KIRREL1: variants seen among roughly 807,000 people sequenced by gnomAD.
KIRREL1 encodes the protein kin of IRRE-like protein 1.
A neutral mutation model predicts 83.3 loss-of-function variants in KIRREL1; 25 were observed. The observed-to-expected ratio is 0.30, with a 90% CI of 0.22 to 0.42. The LOEUF is 0.42. Among genes scored for constraint, KIRREL1 ranks in the 10% least tolerant of loss-of-function variants. The pLI is 1.00. For synonymous variants in KIRREL1, 388 were observed against 410.4 expected (o/e 0.95, Z 0.66); for missense variants, 812 against 1,032.3 (o/e 0.79, Z 2.92).
intron 8 of KIRREL1, among the ~76,000 whole-genome samples, chr1:158,089,160 GA>G (rs1226343706): frequency 1.3e-5 from 2 of 151,492 alleles, no homozygotes; most frequent in Non-Finnish European, 3.0e-5. Flanking sequence ...AGAACTACAG[GA>G]AGAAGAATTT....
At chr1:158,046,980 G>T (rs1015232729) in intron 1 of KIRREL1, among the ~76,000 whole-genome samples, 1 of 152,170 alleles carries the variant, frequency 6.6e-6, no homozygotes, top group African/African-American at 2.4e-5. Flanking sequence ...GCAGATGCCT[G>T]TGGAAACAAC....
intron 1 of KIRREL1, among the ~76,000 whole-genome samples, chr1:158,052,250 G>A (rs1660926592): frequency 6.6e-6 from 1 of 152,098 alleles, no homozygotes; most frequent in Non-Finnish European, 1.5e-5. Flanking sequence ...TGGCCCCTGA[G>A]CCCTTGCTAA....
intron 1 of KIRREL1, among the ~76,000 whole-genome samples, chr1:157,996,953 G>A (rs1174037837): frequency 6.6e-6 from 1 of 152,220 alleles, no homozygotes; most frequent in Non-Finnish European, 1.5e-5. Context: ...CAGCTGAGTG[G>A]TTGGTTGTTC....
chr1:158,031,341 G>A (rs556581029), intron 1 of KIRREL1, among the ~76,000 whole-genome samples: 31 of 143,150 alleles, frequency 2.2e-4, no homozygotes, highest in Admixed American at 6.1e-4. Context: ...ACACACGCGC[G>A]TGCACACACA....
intron 1 of KIRREL1, among the ~76,000 whole-genome samples, chr1:158,038,291 G>C (rs542768287): frequency 6.6e-6 from 1 of 152,330 alleles, no homozygotes; most frequent in Admixed American, 6.5e-5. Flanking sequence ...CTGGGGACCT[G>C]GTAGGGGTCA....
intron 1 of KIRREL1, among the ~76,000 whole-genome samples, chr1:158,013,170 T>C (rs1659733135): frequency 6.6e-6 from 1 of 152,138 alleles, no homozygotes; most frequent in Non-Finnish European, 1.5e-5. Flanking sequence ...CCATACCCCA[T>C]AAAATTTAGA....
chr1:158,044,273 G>C (rs192395578), intron 1 of KIRREL1, among the ~76,000 whole-genome samples: 134 of 152,250 alleles, frequency 8.8e-4, no homozygotes, highest in Middle Eastern at 6.8e-3. Flanking sequence ...CCAGAGCCAG[G>C]TCAGGCTTAA....
At chr1:158,037,271 G>T (rs1485322087) in intron 1 of KIRREL1, among the ~76,000 whole-genome samples, 1 of 152,132 alleles carries the variant, frequency 6.6e-6, no homozygotes, top group Non-Finnish European at 1.5e-5. Flanking sequence ...GAGGCTGGTG[G>T]ATCACAAGGT....
chr1:158,004,203 T>G (rs1351946164), intron 1 of KIRREL1, among the ~76,000 whole-genome samples: 4 of 152,212 alleles, frequency 2.6e-5, no homozygotes, highest in African/African-American at 9.6e-5. Flanking sequence ...AGGACCTATA[T>G]TAAGGAACAG....
chr1:158,093,136 C>CA (rs1286322549), intron 11 of KIRREL1, among the ~76,000 whole-genome samples: 1 of 152,156 alleles, frequency 6.6e-6, no homozygotes, highest in African/African-American at 2.4e-5. Flanking sequence ...GAGCACAGAC[C>CA]AAAATCCAAC....
Position 158,087,778 on chromosome 1 carries a change from A to G in KIRREL1, c.685A>G (p.Ile229Val), listed in dbSNP as rs756138699. ...AGACCCTCCTACAGTGACCCTGTCC[A>G]TTGAGCCACAGACGGTGCAGGAGGG... is the stretch of plus-strand genomic sequence containing the variant. ...VHHPPTVTLS[I>V]EPQTVQEGER... The change falls in exon 6 of 15, where the codon ATT becomes GTT. Residue 229 changes from isoleucine (I) to valine (V), a missense_variant. Physicochemically the swap from Ile to Val is conservative, Grantham distance 29. This residue lies in a region of KIRREL1 where 472 missense variants were observed against 626.8 expected (regional missense o/e 0.75). Coordinates refer to ENST00000359209, the MANE Select transcript of KIRREL1 (RefSeq NM_018240.7). 2 of 1,614,006 alleles carry G rather than the reference A, an allele frequency of 1.2e-6. No homozygotes were observed. The highest frequency in any genetic ancestry group is 3.3e-5 in the Admixed American group (2 of 60,012).
intron 1 of KIRREL1, among the ~76,000 whole-genome samples, chr1:158,040,982 G>C (rs1179585678): frequency 6.6e-6 from 1 of 152,138 alleles, no homozygotes; most frequent in Admixed American, 6.5e-5. Context: ...GGGCATGTGT[G>C]GAAGTAGGAA....
rs1181094782 is a variant in KIRREL1 at position 158,088,337 on chromosome 1, G to A, written c.927G>A (p.Arg309=). 1 of 1,612,990 alleles carries A rather than the reference G, an allele frequency of 6.2e-7. No individual in the cohort carries two copies. Among genetic ancestry groups the A allele is most frequent in the African/African-American group, 1.3e-5 (1 of 74,826 alleles). The change falls in exon 8 of 15, where the codon CGG becomes CGA. Residue 309 remains arginine (R), a synonymous_variant. Coordinates refer to ENST00000359209, the MANE Select transcript of KIRREL1 (RefSeq NM_018240.7). Reference sequence around the variant, plus strand: ...CTTTCTCCCTCACAGTTGCTCCCCGGATTGTAGTTGACCCCAAACCCACAA... The same window carrying A: ...CTTTCTCCCTCACAGTTGCTCCCCGAATTGTAGTTGACCCCAAACCCACAA... ...STLVNVHFAP[R]IVVDPKPTTT...
rs558181487 is a variant in KIRREL1 at position 158,014,138 on chromosome 1, C to T, written c.52+20410C>T. Among the ~76,000 whole-genome samples, 95 of 149,968 alleles carry T rather than the reference C, an allele frequency of 6.3e-4. 1 individual carries two copies. Among genetic ancestry groups the T allele is most frequent in the African/African-American group, 2.1e-3 (84 of 40,592 alleles). On this transcript the variant is annotated intron_variant, in intron 1 of 14. Coordinates refer to ENST00000359209, the MANE Select transcript of KIRREL1 (RefSeq NM_018240.7). ...AGGTGATGATAAAAAAACAGAGCTA[C>T]GTGGGGGAAGTGGAGGGCAACGAGG...
In KIRREL1 at chr1:158,037,232, C is replaced by T. The variant is rs1039409125; in HGVS notation, c.53-38881C>T. Among the ~76,000 whole-genome samples the T allele has an allele frequency of 4.6e-5, 7 of 152,180 alleles. No homozygotes were observed. In the East Asian group the frequency reaches 7.7e-4, roughly 17 times the overall value. ...TCAATCGGCCGGGCGCCGTGGCTCA[C>T]GCCCATAATCCCAGCACTTTGGGAG... is the stretch of plus-strand genomic sequence containing the variant. On this transcript the variant is annotated intron_variant, in intron 1 of 14. Transcript: ENST00000359209.
chr1:158,056,890 CCTT>C (rs1463851010), intron 1 of KIRREL1, among the ~76,000 whole-genome samples: 1 of 152,098 alleles, frequency 6.6e-6, no homozygotes, highest in Non-Finnish European at 1.5e-5. Flanking sequence ...CTTAGTTTCT[CCTT>C]CTAAAACAGG....
At chr1:158,014,113 A>G (rs928559481) in intron 1 of KIRREL1, among the ~76,000 whole-genome samples, 1 of 151,866 alleles carries the variant, frequency 6.6e-6, no homozygotes, top group African/African-American at 2.4e-5. Context: ...TGAGAGAATG[A>G]GGTGATGATA....
chr1:158,052,913 A>G (rs910207285), intron 1 of KIRREL1, among the ~76,000 whole-genome samples: 3 of 152,160 alleles, frequency 2.0e-5, no homozygotes, highest in Non-Finnish European at 4.4e-5. Context: ...GGTGTGTCAC[A>G]TGGCGAGAGA....
At chr1:158,034,469 G>A (rs1660422212) in intron 1 of KIRREL1, among the ~76,000 whole-genome samples, 2 of 152,062 alleles carry the variant, frequency 1.3e-5, no homozygotes, top group East Asian at 1.9e-4. Context: ...GAAGGGTGTT[G>A]TTTTCTAGTC....
Sources: allele counts gnomAD v4.1 joint callset (sites outside exome capture counted in the v4.1 genomes callset), GRCh38; gene constraint gnomAD v4.1.1; regional missense constraint gnomAD v4.1.1; transcripts MANE v1.5; gene names NCBI Gene and HGNC (gene_info 2026-07-23, HGNC 2026-07-21).